Variants in SPOCK3 observed in about 807,000 individuals in gnomAD.
SPOCK3 encodes the protein SPARC (osteonectin), cwcv and kazal like domains proteoglycan 3, also known as testican-3.
A neutral mutation model predicts 56.6 loss-of-function variants in SPOCK3; 30 were observed. The observed-to-expected ratio is 0.53, with a 90% CI of 0.40 to 0.72. The LOEUF (loss-of-function observed/expected upper bound fraction) is 0.72. Ranked by LOEUF, SPOCK3 falls within the 30% of genes least tolerant of loss-of-function variation. The pLI, the probability that SPOCK3 is intolerant of heterozygous loss-of-function variation, is 0.00. For synonymous variants in SPOCK3, 196 were observed against 183.3 expected, an observed-to-expected ratio of 1.07 and a Z score of -0.56; for missense variants, 527 against 530.0, an observed-to-expected ratio of 0.99 and a Z score of 0.06.
chr4:166,859,234 A>T (rs1730996488), intron 6 of SPOCK3, among the ~76,000 whole-genome samples: 1 of 152,190 alleles, frequency 6.6e-6, no homozygotes, highest in East Asian at 1.9e-4. Context: ...CACAATGAAG[A>T]AATCACGTCC....
intron 7 of SPOCK3, among the ~76,000 whole-genome samples, chr4:166,762,050 G>A (rs1438950101): frequency 2.1e-4 from 32 of 151,366 alleles, no homozygotes. Context: ...GGTAAAAGAG[G>A]TATTTCTGGC....
chr4:167,114,017 G>A (rs1467967529), intron 2 of SPOCK3, among the ~76,000 whole-genome samples: 1 of 152,030 alleles, frequency 6.6e-6, no homozygotes, highest in Non-Finnish European at 1.5e-5. Context: ...AATCACCAGC[G>A]CAAAGTGAGA....
chr4:167,212,324 C>G (rs1315890224), intron 2 of SPOCK3, among the ~76,000 whole-genome samples: 10 of 149,632 alleles, frequency 6.7e-5, no homozygotes, highest in African/African-American at 2.5e-4. Context: ...TCACAGCAAC[C>G]TCCGCCTTCC....
Position 166,734,364 on chromosome 4 carries a change from C to T in SPOCK3, c.*557G>A, listed in dbSNP as rs957045528. The T allele has an allele frequency of 4.6e-5, 7 of 151,796 alleles. No homozygotes were observed. The highest frequency in any genetic ancestry group is 1.7e-4 in the African/African-American group (7 of 41,384). The allele number at this position is 151,796 out of a possible 1,614,324, so 9.4% of individuals were successfully genotyped here. A position where few individuals can be genotyped will look rare whatever the true frequency, so the allele number is the denominator to read the frequency against. ...CAGAATAATTTCATAGGTAAAAACA[C>T]CACTATTAATGTAAACACAATTGAG... On this transcript the variant is annotated 3_prime_UTR_variant, in exon 11 of 11. Transcript: ENST00000357545.
intron 6 of SPOCK3, among the ~76,000 whole-genome samples, chr4:166,838,795 T>C (rs1271815878): frequency 1.4e-5 from 2 of 145,358 alleles, no homozygotes; most frequent in Non-Finnish European, 3.0e-5. Flanking sequence ...ATAATAATAA[T>C]AATAATAAAT....
At chr4:167,083,895 A>G (rs1757946976) in intron 2 of SPOCK3, among the ~76,000 whole-genome samples, 2 of 152,112 alleles carry the variant, frequency 1.3e-5, no homozygotes, top group Admixed American at 6.6e-5. Flanking sequence ...AAGATCACAA[A>G]ATGTTAAATA....
At chr4:167,195,182 T>A (rs561168268) in intron 2 of SPOCK3, among the ~76,000 whole-genome samples, 37 of 152,210 alleles carry the variant, frequency 2.4e-4, no homozygotes, top group African/African-American at 8.7e-4. Context: ...TCTCACCCAT[T>A]GGGTACTTGG....
At chr4:167,003,565 C>A (rs1579964544) in intron 3 of SPOCK3, among the ~76,000 whole-genome samples, 1 of 152,312 alleles carries the variant, frequency 6.6e-6, no homozygotes, top group African/African-American at 2.4e-5. Flanking sequence ...GGCATAAATT[C>A]ATCATCTCCC....
intron 6 of SPOCK3, among the ~76,000 whole-genome samples, chr4:166,878,410 C>T (rs1055884547): frequency 4.6e-5 from 7 of 151,914 alleles, no homozygotes; most frequent in Non-Finnish European, 1.0e-4. Flanking sequence ...CAAATATATA[C>T]ACTATAAGAA....
chr4:166,833,116 T>C (rs554134116), intron 6 of SPOCK3, among the ~76,000 whole-genome samples: 1 of 152,342 alleles, frequency 6.6e-6, no homozygotes, highest in Admixed American at 6.5e-5. Context: ...TGTGTCTTTT[T>C]AATTTCACTT....
chr4:166,940,434 T>C (rs1001076268), intron 4 of SPOCK3, among the ~76,000 whole-genome samples: 8 of 152,014 alleles, frequency 5.3e-5, no homozygotes, highest in Non-Finnish European at 1.0e-4. Flanking sequence ...GAAGTGACCA[T>C]GTTCTTGGGA....
intron 3 of SPOCK3, among the ~76,000 whole-genome samples, chr4:167,039,853 T>C (rs1474640416): frequency 2.0e-5 from 3 of 152,198 alleles, no homozygotes; most frequent in Non-Finnish European, 2.9e-5. Context: ...TATAAACAAT[T>C]AAGACACCTT....
chr4:167,163,269 T>C (rs1008071862), intron 2 of SPOCK3, among the ~76,000 whole-genome samples: 1 of 151,290 alleles, frequency 6.6e-6, no homozygotes, highest in Admixed American at 6.6e-5. Flanking sequence ...TTTTAAAACA[T>C]TTATTTTTTA....
At chr4:167,126,440 T>C (rs983380777) in intron 2 of SPOCK3, among the ~76,000 whole-genome samples, 5 of 152,064 alleles carry the variant, frequency 3.3e-5, no homozygotes, top group African/African-American at 4.8e-5. Context: ...TCCTGGCTAC[T>C]TGGGAGGCTG....
rs62354070 is a variant in SPOCK3, at chr4:166,881,797, A to G, written c.589+7333T>C. Among the ~76,000 whole-genome samples, 713 of 152,262 alleles carry G rather than the reference A, an allele frequency of 4.7e-3. 2 individuals are homozygous for G. Among genetic ancestry groups the G allele is most frequent in the Non-Finnish European group, 7.9e-3 (534 of 67,962 alleles). On this transcript the variant is annotated intron_variant, in intron 6 of 10. Coordinates refer to ENST00000357545, the MANE Select transcript of SPOCK3 (RefSeq NM_001040159.2). ...TTCAGAATGTGTGATGCTAAACTTC[A>G]AATATTTCATTAATCTTCCATGCAC...
At chr4:166,740,338 AT>A (rs10714562) in intron 9 of SPOCK3, among the ~76,000 whole-genome samples, 119,292 of 151,376 alleles carry the variant, frequency 0.79, 47,263 homozygotes, top group South Asian at 0.82. Flanking sequence ...GGAACTAAGT[AT>A]TTTTTTATAC....
At chr4:166,863,310 C>T (rs552993123) in intron 6 of SPOCK3, among the ~76,000 whole-genome samples, 54 of 152,046 alleles carry the variant, frequency 3.6e-4, no homozygotes, top group African/African-American at 1.3e-3. Flanking sequence ...AAGGAAAAAC[C>T]ACTACCAGCC....
At chr4:166,874,079 A>C (rs1360616428) in intron 6 of SPOCK3, among the ~76,000 whole-genome samples, 1 of 152,130 alleles carries the variant, frequency 6.6e-6, no homozygotes, top group African/African-American at 2.4e-5. Context: ...TGCAGGGGAG[A>C]GAACAAAATC....
chr4:166,991,857 T>C (rs929211710), intron 4 of SPOCK3, among the ~76,000 whole-genome samples: 2 of 152,304 alleles, frequency 1.3e-5, no homozygotes, highest in Non-Finnish European at 2.9e-5. Flanking sequence ...TATTTTCTTT[T>C]TGACATAGCA....
Sources: gnomAD v4.1 joint callset for allele counts (sites outside exome capture counted in the v4.1 genomes callset) on GRCh38, gnomAD v4.1.1 for gene constraint, MANE v1.5 for transcripts, NCBI Gene and HGNC (gene_info 2026-07-23, HGNC 2026-07-21) for gene names.